Variants in TAP2 observed in about 807,000 individuals in gnomAD.
TAP2 encodes antigen peptide transporter 2.
In TAP2, 49 loss-of-function variants were observed where a neutral mutation model predicts 74.7. The ratio of observed to expected loss-of-function variants is 0.66; its 90% CI spans 0.52 to 0.83. The LOEUF is 0.83. Among genes scored for constraint, TAP2 ranks in the 40% least tolerant of loss-of-function variants. The pLI, the probability that TAP2 is intolerant of heterozygous loss-of-function variation, is 0.00. For missense variants in TAP2, 739 were observed against 859.0 expected, an observed-to-expected ratio of 0.86 and a Z score of 1.75; for synonymous variants, 306 against 368.4, an observed-to-expected ratio of 0.83 and a Z score of 1.94.
In TAP2 at chr6:32,837,834, T is replaced by C. The variant is rs376051965; in HGVS notation, c.400A>G (p.Asn134Asp). ...AQEKEQDQVN[N>D]KVLMWRLLKL... ...AGCAGCCTCCACATCAAGACTTTGT[T>C]GTTCACCTGGTCCTGCTCCTTCTCC... The change falls in exon 2 of 12, where the codon AAC becomes GAC. Residue 134 changes from asparagine (N) to aspartate (D), a missense_variant. Coordinates refer to ENST00000374897, the MANE Select transcript of TAP2 (RefSeq NM_001290043.2). The C allele has an allele frequency of 6.1e-5, 98 of 1,613,690 alleles. No homozygotes were observed. The Middle Eastern group carries it at 6.6e-4, about 11-fold the overall frequency.
chr6:32,826,844 T>A lies in TAP2; in HGVS notation c.*2062A>T. The A allele has an allele frequency of 1.0e-6, 1 of 985,474 alleles. No homozygotes were observed. The allele number at this position is 985,474 out of a possible 1,614,324, so 61.0% of individuals were successfully genotyped here. A position where few individuals can be genotyped will look rare whatever the true frequency, so the allele number is the denominator to read the frequency against. ...TGAGGAAATCAAAGAATTTCTCAGA[T>A]CATCTTCTTCTGTGAGGGCTGCAGC... On this transcript the variant is annotated 3_prime_UTR_variant, in exon 12 of 12. Coordinates refer to ENST00000374897, the MANE Select transcript of TAP2 (RefSeq NM_001290043.2).
chr6:32,830,576 A>G, intron 8 of TAP2, 42 bp downstream of exon 8: 2 of 1,612,070 alleles, frequency 1.2e-6, no homozygotes, highest in Non-Finnish European at 1.7e-6. Flanking sequence ...ATGCATTAGC[A>G]GCAGAGAGCA....
At chr6:32,829,687 G>GT in intron 10 of TAP2, 151 bp from the exon 11 acceptor site, 1 of 1,305,028 alleles carries the variant, frequency 7.7e-7, no homozygotes, top group South Asian at 1.2e-5. Context: ...GGGCCATGGG[G>GT]TGGGGACCTG....
intron 7 of TAP2, among the ~76,000 whole-genome samples, chr6:32,831,990 T>C (rs1225661046): frequency 6.6e-6 from 1 of 152,232 alleles, no homozygotes; most frequent in East Asian, 1.9e-4. Flanking sequence ...CTTTTAAAGA[T>C]GTTTGTATTT....
downstream of TAP2, among the ~76,000 whole-genome samples, chr6:32,823,166 C>T (rs1052987323): frequency 6.6e-6 from 1 of 152,088 alleles, no homozygotes; most frequent in South Asian, 2.1e-4. Context: ...GTGATCCGCC[C>T]GCCTTGGCCT....
chr6:32,828,675 GC>G lies in TAP2; in HGVS notation c.*230del. The G allele has an allele frequency of 1.1e-6, 1 of 884,284 alleles. No homozygotes were observed. 54.8% of individuals were successfully genotyped at this position (884,284 alleles called of 1,614,324 possible). ...GAATTAAGTTTCCTGGACACAGACAGCCCCCACCCCACCCCACCCCACCTCT... is the reference window on the plus strand; with the variant it reads ...GAATTAAGTTTCCTGGACACAGACAGCCCCACCCCACCCCACCCCACCTCT... On this transcript the variant is annotated 3_prime_UTR_variant, in exon 12 of 12. Coordinates refer to ENST00000374897, the MANE Select transcript of TAP2 (RefSeq NM_001290043.2).
intron 5 of TAP2, among the ~76,000 whole-genome samples, chr6:32,833,730 T>TG (rs1318525482): frequency 6.6e-6 from 1 of 152,144 alleles, no homozygotes; most frequent in Non-Finnish European, 1.5e-5. Flanking sequence ...AACTGTATGG[T>TG]GGTTTGATAC....
In TAP2 at chr6:32,835,700, G is replaced by C; in HGVS notation, c.682C>G (p.Gln228Glu). 1.2e-6 allele frequency: 2 copies of C among 1,613,102 alleles called. No homozygotes were observed. Among genetic ancestry groups the C allele is most frequent in the Non-Finnish European group, 1.7e-6 (2 of 1,180,042 alleles). ...TGGCGCAGCAGGGAGGAGAAAAGCT[G>C]CTCCCGGATCCGCAAGTTGATTCGA... is the stretch of plus-strand genomic sequence containing the variant. Reference protein sequence around the residue: ...MSRINLRIREQLFSSLLRQDL... With the variant: ...MSRINLRIREELFSSLLRQDL... Residue 228 changes from glutamine to glutamate, a missense_variant, in exon 4 of 12, where the codon CAG becomes GAG. Gln to Glu is a conservative substitution (Grantham distance 29). Transcript: ENST00000374897. This position sits in a 1 kb window ranked among gnomAD's most constrained non-coding sequence, Gnocchi z 4.0.
At position 32,828,594 on chromosome 6, in the gene TAP2, A is replaced by G. The variant is rs985270310; in HGVS notation, c.*312T>C. 3.7e-5 allele frequency: 39 copies of G among 1,051,684 alleles called. No individual in the cohort carries two copies. The highest frequency in any genetic ancestry group is 4.5e-4 in the Middle Eastern group (1 of 2,228). 65.1% of individuals were successfully genotyped at this position (1,051,684 alleles called of 1,614,324 possible). On this transcript the variant is annotated 3_prime_UTR_variant, in exon 12 of 12. Coordinates refer to ENST00000374897, the MANE Select transcript of TAP2 (RefSeq NM_001290043.2). ...TGTAAGAAGGAAAATATTTTAAAATATATGTATTATGCCACAAAATACTCC... is the reference window on the plus strand; with the variant it reads ...TGTAAGAAGGAAAATATTTTAAAATGTATGTATTATGCCACAAAATACTCC...
chr6:32,827,102 C>T lies in TAP2; in HGVS notation c.*1804G>A. On this transcript the variant is annotated 3_prime_UTR_variant, in exon 12 of 12. Coordinates refer to ENST00000374897, the MANE Select transcript of TAP2 (RefSeq NM_001290043.2). Reference sequence around the variant, plus strand: ...ACCCCATCCTCACTGCACCCTGCTCCCAACAGCTGCCAGGCAAGAAAAAAT... The same window carrying T: ...ACCCCATCCTCACTGCACCCTGCTCTCAACAGCTGCCAGGCAAGAAAAAAT... The T allele has an allele frequency of 3.0e-6, 3 of 985,770 alleles. No homozygotes were observed. Among genetic ancestry groups the T allele is most frequent in the Non-Finnish European group, 3.6e-6 (3 of 829,952 alleles). The allele number at this position is 985,770 out of a possible 1,614,324, so 61.1% of individuals were successfully genotyped here. A position where few individuals can be genotyped will look rare whatever the true frequency, so the allele number is the denominator to read the frequency against.
chr6:32,826,219 T>C lies in TAP2; in HGVS notation c.*2687A>G, dbSNP rs1582554628. 2.0e-6 allele frequency: 2 copies of C among 985,328 alleles called. No homozygotes were observed. Among genetic ancestry groups the C allele is most frequent in the East Asian group, 2.3e-4 (2 of 8,828 alleles). The allele number at this position is 985,328 out of a possible 1,614,324, so 61.0% of individuals were successfully genotyped here. ...CATGTGGATTACAAGTGGCTATCCC[T>C]GGGTGGAGGCATAAAGGACTTGAAA... On this transcript the variant is annotated 3_prime_UTR_variant, in exon 12 of 12. Coordinates refer to ENST00000374897, the MANE Select transcript of TAP2 (RefSeq NM_001290043.2).
At position 32,838,465 on chromosome 6, in the gene TAP2, TAAAAA is replaced by T. The variant is rs9282316; in HGVS notation, c.-5+183_-5+187del. Among the ~76,000 whole-genome samples, 324 of 136,036 alleles carry T rather than the reference TAAAAA, an allele frequency of 2.4e-3. 4 individuals are homozygous for T. Among genetic ancestry groups the T allele is most frequent in the South Asian group, 0.019 (80 of 4,256 alleles). 89.2% of individuals were successfully genotyped at this position (136,036 alleles called of 152,430 possible). A position where few individuals can be genotyped will look rare whatever the true frequency, so the allele number is the denominator to read the frequency against. ...GCATGACCATCAGGAGCCTCGTGCT[TAAAAA>T]AAAAAAAAAAAAATCCCCGGACCCC... is the stretch of plus-strand genomic sequence containing the variant. On this transcript the variant is annotated intron_variant, in intron 1 of 11. Coordinates refer to ENST00000374897, the MANE Select transcript of TAP2 (RefSeq NM_001290043.2).
intron 5 of TAP2, among the ~76,000 whole-genome samples, chr6:32,834,207 C>G (rs1769266594): frequency 6.6e-6 from 1 of 152,230 alleles, no homozygotes; most frequent in Admixed American, 6.5e-5. Context: ...CAGCATAATT[C>G]ACAACAGCCA....
intron 1 of TAP2, 25 bp from the exon 2 acceptor site, chr6:32,838,262 A>C: frequency 2.0e-6 from 3 of 1,533,382 alleles, no homozygotes; most frequent in Non-Finnish European, 2.6e-6. Context: ...GAGATGAGAA[A>C]TCATGGGGGT....
At position 32,827,739 on chromosome 6, in the gene TAP2, G is replaced by A; in HGVS notation, c.*1167C>T. On this transcript the variant is annotated 3_prime_UTR_variant, in exon 12 of 12. Transcript: ENST00000374897. ...AGACAGATGGGCTGGAACAGTGTGT[G>A]CTCTGAAAAGGATCTCTGCAGCAGG... 1.5e-6 allele frequency: 1 copy of A among 670,764 alleles called. No homozygotes were observed. The highest frequency in any genetic ancestry group is 1.7e-6 in the Non-Finnish European group (1 of 574,098). The allele number at this position is 670,764 out of a possible 1,614,324, so 41.6% of individuals were successfully genotyped here.
chr6:32,838,509 G>A (rs1562342310), intron 1 of TAP2, 144 bp downstream of exon 1: 1 of 367,182 alleles, frequency 2.7e-6, no homozygotes, highest in Non-Finnish European at 4.7e-6. Context: ...CCCCACCCCC[G>A]CCTGCCGCGG....
At position 32,832,741 on chromosome 6, in the gene TAP2, G is replaced by GCGAA; in HGVS notation, c.1025_1028dup (p.Phe345GlnfsTer8). ...CTTCATGCTCCTCGGCCCCAAAACT[G>GCGAA]CGAACGGTCTGCAGCCCTCCAACGG... On this transcript the variant is annotated frameshift_variant, in exon 6 of 12. Coordinates refer to ENST00000374897, the MANE Select transcript of TAP2 (RefSeq NM_001290043.2). LOFTEE classifies it high-confidence loss of function. This position sits in a 1 kb window ranked among gnomAD's most constrained non-coding sequence, Gnocchi z 5.9. 6.2e-7 allele frequency: 1 copy of GCGAA among 1,613,062 alleles called. No individual in the cohort carries two copies. Among genetic ancestry groups the GCGAA allele is most frequent in the African/African-American group, 1.3e-5 (1 of 75,032 alleles).
chr6:32,824,192 A>G (rs760370018), downstream of TAP2, among the ~76,000 whole-genome samples: 3 of 151,970 alleles, frequency 2.0e-5, no homozygotes, highest in Non-Finnish European at 2.9e-5. Flanking sequence ...TATTTCTTAC[A>G]TATTTTGTAG....
In TAP2 at chr6:32,834,932, A is replaced by T. The variant is rs1340596937; in HGVS notation, c.945+222T>A. On this transcript the variant is annotated intron_variant, in intron 5 of 11. Transcript: ENST00000374897. Reference sequence around the variant, plus strand: ...CCCCATACCTTCACATACACTTTACATTTTTGTTTACAGTTCTGGAGAATC... The same window carrying T: ...CCCCATACCTTCACATACACTTTACTTTTTTGTTTACAGTTCTGGAGAATC... 3.3e-5 allele frequency among the ~76,000 whole-genome samples: 5 copies of T among 150,474 alleles called. No individual in the cohort carries two copies. In the South Asian group the frequency reaches 8.3e-4, roughly 25 times the overall value.
Sources: gnomAD v4.1 joint callset for allele counts (sites outside exome capture counted in the v4.1 genomes callset) on GRCh38, gnomAD v4.1.1 for gene constraint, Gnocchi (gnomAD v3.1) non-coding constraint, MANE v1.5 for transcripts, NCBI Gene and HGNC (gene_info 2026-07-23, HGNC 2026-07-21) for gene names.